Variants in SNX29 observed in about 807,000 individuals in gnomAD.
SNX29 encodes the protein sorting nexin 29, also known as sorting nexin-29.
In SNX29, 78 loss-of-function variants were observed where a neutral mutation model predicts 102.1. The observed-to-expected ratio is 0.76, with a 90% confidence interval of 0.64 to 0.92. The LOEUF (loss-of-function observed/expected upper bound fraction) is 0.92. Among genes scored for constraint, SNX29 ranks in the 40% least tolerant of loss-of-function variants. The probability of loss-of-function intolerance (pLI) is 0.00; values close to 1 mark genes in which losing one functional copy is unlikely to be tolerated. For missense variants in SNX29, 1,280 were observed against 1,061.7 expected, an observed-to-expected ratio of 1.21 and a Z score of -2.86; for synonymous variants, 580 against 414.5, an observed-to-expected ratio of 1.40 and a Z score of -4.85.
intron 20 of SNX29, among the ~76,000 whole-genome samples, chr16:12,543,416 G>A (rs972150576): frequency 1.3e-5 from 2 of 152,206 alleles, no homozygotes; most frequent in East Asian, 3.8e-4. Context: ...TTCACTGAAA[G>A]GAGAGAAAGT....
chr16:12,491,676 C>G (rs576308940), intron 19 of SNX29, among the ~76,000 whole-genome samples: 1 of 152,120 alleles, frequency 6.6e-6, no homozygotes, highest in African/African-American at 2.4e-5. Flanking sequence ...CTATCCCTCC[C>G]CCTTCCCCCA....
At chr16:12,155,148 C>T (rs2055486938) in intron 13 of SNX29, among the ~76,000 whole-genome samples, 3 of 152,184 alleles carry the variant, frequency 2.0e-5, no homozygotes, top group Admixed American at 6.5e-5. Context: ...CCCCACCACC[C>T]CTTCCGCGCC....
intron 8 of SNX29, among the ~76,000 whole-genome samples, chr16:12,057,784 T>C (rs1393359504): frequency 2.0e-5 from 3 of 150,910 alleles, no homozygotes; most frequent in Admixed American, 1.3e-4. Context: ...AATGAGTACA[T>C]ATATACATAC....
At chr16:12,560,317 AAAT>A (rs1355355313) in intron 20 of SNX29, among the ~76,000 whole-genome samples, 4 of 152,160 alleles carry the variant, frequency 2.6e-5, no homozygotes, top group African/African-American at 4.8e-5. Flanking sequence ...TGTCATGAAA[AAAT>A]AATGCTGGGT....
chr16:12,012,856 A>T (rs573706168), intron 3 of SNX29, among the ~76,000 whole-genome samples: 8 of 152,216 alleles, frequency 5.3e-5, no homozygotes, highest in Admixed American at 2.0e-4. Context: ...TTCCTGACAC[A>T]CATAAATGTT....
intron 11 of SNX29, among the ~76,000 whole-genome samples, chr16:12,091,583 C>T (rs992212126): frequency 3.3e-5 from 5 of 151,806 alleles, no homozygotes; most frequent in African/African-American, 1.2e-4. Context: ...TCCCAGAACT[C>T]GAGACCAGCC....
intron 15 of SNX29, among the ~76,000 whole-genome samples, chr16:12,299,876 T>C (rs1256908219): frequency 1.3e-5 from 2 of 152,066 alleles, no homozygotes; most frequent in Non-Finnish European, 2.9e-5. Context: ...AAAATTTCTT[T>C]TTTTCTTTCT....
chr16:12,409,139 C>T (rs772013634), intron 18 of SNX29, among the ~76,000 whole-genome samples: 2 of 152,170 alleles, frequency 1.3e-5, no homozygotes, highest in East Asian at 1.9e-4. Context: ...ACTTCTTACA[C>T]GGTAGGCTGT....
At chr16:12,549,435 C>T (rs1037387611) in intron 20 of SNX29, among the ~76,000 whole-genome samples, 17 of 152,310 alleles carry the variant, frequency 1.1e-4, no homozygotes, top group African/African-American at 4.1e-4. Flanking sequence ...GTGGAGGTTG[C>T]AGTGACCTAA....
At position 12,163,614 on chromosome 16, in the gene SNX29, G is replaced by T. The variant is rs377334804; in HGVS notation, c.1595+33856G>T. On this transcript the variant is annotated intron_variant, in intron 13 of 20. Coordinates refer to ENST00000566228, the MANE Select transcript of SNX29 (RefSeq NM_032167.5). ...CATGGAGGGGCTGGTGGCAACAGGA[G>T]ACTAGAAATCTCCTGTAGAAGCTTC... Among the ~76,000 whole-genome samples, 9 of 152,310 alleles carry T rather than the reference G, an allele frequency of 5.9e-5. No homozygotes were observed. The East Asian group carries it at 1.7e-3, about 29-fold the overall frequency.
At chr16:12,227,328 C>T (rs2077641839) in intron 14 of SNX29, among the ~76,000 whole-genome samples, 1 of 152,210 alleles carries the variant, frequency 6.6e-6, no homozygotes, top group South Asian at 2.1e-4. Context: ...CTTCCCCCAA[C>T]CCAAATGATC....
At chr16:12,322,654 G>C (rs1360108177) in intron 15 of SNX29, among the ~76,000 whole-genome samples, 1 of 152,124 alleles carries the variant, frequency 6.6e-6, no homozygotes, top group Non-Finnish European at 1.5e-5. Flanking sequence ...ACCTCTATTA[G>C]GATGCAGTCA....
Position 12,129,767 on chromosome 16 carries a change from GGGT to G in SNX29, c.1595+11_1595+13del. 6.2e-7 allele frequency: 1 copy of G among 1,601,636 alleles called. No individual in the cohort carries two copies. Among genetic ancestry groups the G allele is most frequent in the Non-Finnish European group, 8.5e-7 (1 of 1,174,854 alleles). ...GTCCAGGCGCTGGCCAGGTAGGAGA[GGGT>G]GAGGGATGGAGAGGTAAGCACGTGG... On this transcript the variant is annotated intron_variant, in intron 13 of 20. Transcript: ENST00000566228.
At chr16:12,447,124 G>T (rs2086094411) in intron 18 of SNX29, among the ~76,000 whole-genome samples, 1 of 127,784 alleles carries the variant, frequency 7.8e-6, no homozygotes, top group African/African-American at 3.0e-5. Flanking sequence ...CCGAGATGGT[G>T]CCACTGCACT....
At chr16:12,079,847 G>C (rs1413454232) in intron 11 of SNX29, among the ~76,000 whole-genome samples, 1 of 152,190 alleles carries the variant, frequency 6.6e-6, no homozygotes, top group African/African-American at 2.4e-5. Flanking sequence ...CCAGGCGGCA[G>C]GAAGGAGGAG....
chr16:12,139,194 A>G (rs946153934), intron 13 of SNX29, among the ~76,000 whole-genome samples: 1 of 14,896 alleles, frequency 6.7e-5, no homozygotes, highest in South Asian at 3.0e-3. Context: ...GCGAGACTCT[A>G]AAAAAAAAAA....
intron 13 of SNX29, among the ~76,000 whole-genome samples, chr16:12,132,034 T>G (rs2054488966): frequency 6.6e-6 from 1 of 152,110 alleles, no homozygotes; most frequent in Non-Finnish European, 1.5e-5. Context: ...ATGTTCACAA[T>G]AAAGTCTGAA....
rs771889127 is a variant in SNX29, at chr16:12,042,995, C to T, written c.346C>T (p.Arg116Cys). 25 of 1,613,716 alleles carry T rather than the reference C, an allele frequency of 1.5e-5. No homozygotes were observed. Among genetic ancestry groups the T allele is most frequent in the East Asian group, 4.5e-5 (2 of 44,888 alleles). ...CATCGCCTCAGACGTGGGCCGGGGT[C>T]GCGCCTGGCTGCGCTGTGCCCTCAA... ...RHIASDVGRG[R>C]AWLRCALNEH... The change falls in exon 5 of 21, where the codon CGC (arginine) becomes TGC (cysteine). Residue 116 changes from arginine (R) to cysteine (C), a missense_variant. Arg to Cys is a radical substitution (Grantham distance 180). Transcript: ENST00000566228.
At chr16:12,366,214 A>G (rs1000749799) in intron 16 of SNX29, among the ~76,000 whole-genome samples, 5 of 152,154 alleles carry the variant, frequency 3.3e-5, no homozygotes, top group Non-Finnish European at 7.4e-5. Context: ...ATTTCCCTCA[A>G]GGGTCACACA....
Sources: gnomAD v4.1 joint callset for allele counts (sites outside exome capture counted in the v4.1 genomes callset) on GRCh38, gnomAD v4.1.1 for gene constraint, MANE v1.5 for transcripts, NCBI Gene and HGNC (gene_info 2026-07-23, HGNC 2026-07-21) for gene names.